Variants in VAV2 observed in about 807,000 individuals in gnomAD.
VAV2 encodes guanine nucleotide exchange factor VAV2.
A neutral mutation model predicts 132.5 loss-of-function variants in VAV2; 67 were observed. That is an observed-to-expected ratio of 0.51 (90% CI 0.42 to 0.62). VAV2 has a LOEUF of 0.62. Ranked by LOEUF, VAV2 falls within the 20% of genes least tolerant of loss-of-function variation. VAV2 has a pLI of 0.00. For synonymous variants in VAV2, 492 were observed against 443.5 expected (o/e 1.11, Z -1.37); for missense variants, 938 against 1,153.6 (o/e 0.81, Z 2.71).
At chr9:133,921,721 G>C (rs1002817096) in intron 2 of VAV2, among the ~76,000 whole-genome samples, 1 of 152,226 alleles carries the variant, frequency 6.6e-6, no homozygotes, top group Non-Finnish European at 1.5e-5. Context: ...CCCTGACCAA[G>C]TGCTCTCAGC....
intron 2 of VAV2, among the ~76,000 whole-genome samples, chr9:133,877,137 G>A (rs564036088): frequency 3.3e-5 from 5 of 152,114 alleles, no homozygotes; most frequent in South Asian, 4.2e-4. Flanking sequence ...CAGAACCCCC[G>A]CCCGGCCTGC....
In VAV2 at chr9:133,863,441, C is replaced by A. The variant is rs1394765903; in HGVS notation, c.322-2009G>T. Among the ~76,000 whole-genome samples the A allele has an allele frequency of 5.4e-5, 8 of 147,328 alleles. No homozygotes were observed. Among genetic ancestry groups the A allele is most frequent in the Non-Finnish European group, 1.2e-4 (8 of 67,808 alleles). On this transcript the variant is annotated intron_variant, in intron 2 of 29. Coordinates refer to ENST00000371850, the MANE Select transcript of VAV2 (RefSeq NM_001134398.2). The surrounding 1 kb of genome is among the most constrained non-coding windows in gnomAD (Gnocchi z 5.0). Reference sequence around the variant, plus strand: ...GTCGTACAGATGGAACCGGGTCGTACAGATGGAACCGGAGACAGAGAGGAG... The same window carrying A: ...GTCGTACAGATGGAACCGGGTCGTAAAGATGGAACCGGAGACAGAGAGGAG...
chr9:133,989,899 T>C (rs889749392), intron 1 of VAV2, among the ~76,000 whole-genome samples: 2 of 152,228 alleles, frequency 1.3e-5, no homozygotes, highest in Admixed American at 6.5e-5. Flanking sequence ...TGGCCCACCC[T>C]CCACGGGACA....
intron 2 of VAV2, among the ~76,000 whole-genome samples, chr9:133,931,085 C>T (rs1054955593): frequency 1.3e-5 from 2 of 152,206 alleles, no homozygotes; most frequent in Non-Finnish European, 2.9e-5. Flanking sequence ...CAGCCAGCAC[C>T]GCGGGTTCCT....
At chr9:133,954,189 GT>G (rs1318563597) in intron 1 of VAV2, among the ~76,000 whole-genome samples, 1 of 152,234 alleles carries the variant, frequency 6.6e-6, no homozygotes, top group Non-Finnish European at 1.5e-5. Flanking sequence ...CAATTGTGAT[GT>G]TCTGTTACCA....
chr9:133,968,326 T>C (rs868000092), intron 1 of VAV2, among the ~76,000 whole-genome samples: 5 of 152,136 alleles, frequency 3.3e-5, no homozygotes, highest in Admixed American at 3.3e-4. Context: ...AACAATGGCA[T>C]ATGTGTATCA....
intron 9 of VAV2, among the ~76,000 whole-genome samples, chr9:133,800,484 C>T (rs903512020): frequency 3.8e-4 from 58 of 152,188 alleles, no homozygotes; most frequent in African/African-American, 1.4e-3. Flanking sequence ...ACGCTCGGGC[C>T]CGAGGGACAC....
chr9:133,777,352 C>A (rs1335318555), intron 23 of VAV2, 37 bp downstream of exon 23: 1 of 1,609,984 alleles, frequency 6.2e-7, no homozygotes, highest in South Asian at 1.1e-5. Flanking sequence ...GCACCCAGGC[C>A]ACCGTGCTCC....
chr9:133,861,235 C>T lies in VAV2; in HGVS notation c.380+139G>A, dbSNP rs143430885. 5,153 of 858,646 alleles carry T rather than the reference C, an allele frequency of 6.0e-3. 82 individuals are homozygous for T. The highest frequency in any genetic ancestry group is 0.059 in the Admixed American group (1,568 of 26,776). The allele number at this position is 858,646 out of a possible 1,614,324, so 53.2% of individuals were successfully genotyped here. A position where few individuals can be genotyped will look rare whatever the true frequency, so the allele number is the denominator to read the frequency against. Reference sequence around the variant, plus strand: ...CCTTCCTGCAGCCGCCAACGGGTTACGCGACAACACGCTGCAAATGCATGA... The same window carrying T: ...CCTTCCTGCAGCCGCCAACGGGTTATGCGACAACACGCTGCAAATGCATGA... On this transcript the variant is annotated intron_variant, in intron 3 of 29. Coordinates refer to ENST00000371850, the MANE Select transcript of VAV2 (RefSeq NM_001134398.2).
intron 20 of VAV2, 41 bp downstream of exon 20, chr9:133,780,652 CG>C (rs1281526610): frequency 2.5e-6 from 3 of 1,176,808 alleles, no homozygotes; most frequent in South Asian, 3.3e-5. Context: ...AGGGATGTGG[CG>C]GGGGTGGGGC....
intron 1 of VAV2, among the ~76,000 whole-genome samples, chr9:133,950,540 G>A (rs1229399863): frequency 6.6e-6 from 1 of 152,104 alleles, no homozygotes; most frequent in African/African-American, 2.4e-5. Flanking sequence ...CCACACAATC[G>A]GGACTTCAAG....
chr9:133,877,633 G>A (rs1838313795), intron 2 of VAV2, among the ~76,000 whole-genome samples: 1 of 152,234 alleles, frequency 6.6e-6, no homozygotes, highest in Non-Finnish European at 1.5e-5. Flanking sequence ...AAAGGCCTCA[G>A]CCTCCCGACT....
In VAV2 at chr9:133,809,146, A is replaced by C. The variant is rs749068745; in HGVS notation, c.568-8T>G. ...TTCAGTCATGCCCATTTTCTAGAGGAGGGAAGGGGGAGTCAGCAGGACCCC... is the reference window on the plus strand; with the variant it reads ...TTCAGTCATGCCCATTTTCTAGAGGCGGGAAGGGGGAGTCAGCAGGACCCC... On this transcript the variant is annotated splice_polypyrimidine_tract_variant and splice_region_variant and intron_variant, in intron 6 of 29. Transcript: ENST00000371850. 2 of 1,613,406 alleles carry C rather than the reference A, an allele frequency of 1.2e-6. No individual in the cohort carries two copies. Among genetic ancestry groups the C allele is most frequent in the Non-Finnish European group, 1.7e-6 (2 of 1,179,684 alleles).
At chr9:133,770,081 G>A (rs1447293497) in intron 27 of VAV2, among the ~76,000 whole-genome samples, 1 of 152,236 alleles carries the variant, frequency 6.6e-6, no homozygotes, top group African/African-American at 2.4e-5. Context: ...ACCTGTGACA[G>A]CTCCATGCGC....
chr9:133,817,639 G>A (rs190924279), intron 4 of VAV2, among the ~76,000 whole-genome samples: 124 of 152,226 alleles, frequency 8.1e-4, no homozygotes, highest in African/African-American at 2.8e-3. Flanking sequence ...AATAAAGTGC[G>A]TAACTTCCAC....
chr9:133,941,203 T>C (rs1841142764), intron 1 of VAV2, among the ~76,000 whole-genome samples: 1 of 151,174 alleles, frequency 6.6e-6, no homozygotes, highest in Non-Finnish European at 1.5e-5. Flanking sequence ...AGGTCAGGAG[T>C]TCAAGACCAG....
intron 4 of VAV2, among the ~76,000 whole-genome samples, chr9:133,818,650 C>T (rs926632445): frequency 7.9e-5 from 12 of 152,180 alleles, no homozygotes; most frequent in African/African-American, 2.9e-4. Context: ...TTCTGGCCTC[C>T]ATAATTGCAT....
At chr9:133,955,199 C>T (rs960387069) in intron 1 of VAV2, among the ~76,000 whole-genome samples, 4 of 151,970 alleles carry the variant, frequency 2.6e-5, no homozygotes, top group Non-Finnish European at 5.9e-5. Flanking sequence ...GTGGGGAGCT[C>T]CTGCCCCTTC....
intron 1 of VAV2, among the ~76,000 whole-genome samples, chr9:133,944,745 GCGT>G (rs1841298293): frequency 1.3e-5 from 2 of 152,264 alleles, no homozygotes; most frequent in South Asian, 4.1e-4. Flanking sequence ...CACAAGGCCT[GCGT>G]CGTCAAGGCA....
Sources: gnomAD v4.1 joint callset for allele counts (sites outside exome capture counted in the v4.1 genomes callset) on GRCh38, gnomAD v4.1.1 for gene constraint, Gnocchi (gnomAD v3.1) non-coding constraint, MANE v1.5 for transcripts, NCBI Gene and HGNC (gene_info 2026-07-23, HGNC 2026-07-21) for gene names.